CCDC144A: variants seen among roughly 807,000 people sequenced by gnomAD.
CCDC144A encodes coiled-coil domain containing 144A.
A neutral mutation model predicts 143.8 loss-of-function variants in CCDC144A; 41 were observed. The ratio of observed to expected loss-of-function variants is 0.29; its 90% CI spans 0.22 to 0.37. The LOEUF (loss-of-function observed/expected upper bound fraction) is 0.37. Ranked by LOEUF, CCDC144A falls within the 10% of genes least tolerant of loss-of-function variation. The pLI, the probability that CCDC144A is intolerant of heterozygous loss-of-function variation, is 1.00. For missense variants in CCDC144A, 637 were observed against 1,488.8 expected, an observed-to-expected ratio of 0.43 and a Z score of 9.41; for synonymous variants, 242 against 517.9, an observed-to-expected ratio of 0.47 and a Z score of 7.23.
At chr17:16,686,925 G>A (rs1459200787), upstream of CCDC144A, among the ~76,000 whole-genome samples, 5 of 152,082 alleles carry the variant, frequency 3.3e-5, no homozygotes, top group South Asian at 2.1e-4. Context: ...ATCCGCTGGC[G>A]TGTGGAGGTG....
chr17:16,761,105 A>ATCATGAGG lies in CCDC144A; in HGVS notation c.3373-316_3373-309dup, dbSNP rs1915339497. Among the ~76,000 whole-genome samples the ATCATGAGG allele has an allele frequency of 2.0e-5, 3 of 151,548 alleles. No homozygotes were observed. In the South Asian group the frequency reaches 6.3e-4, roughly 32 times the overall value. ...CACTTTGGGAGGCCGAGGCGAGTGGATCATGAGGTCAGGAGATCGAGACCA... is the reference window on the plus strand; with the variant it reads ...CACTTTGGGAGGCCGAGGCGAGTGGATCATGAGGTCATGAGGTCAGGAGATCGAGACCA... On this transcript the variant is annotated intron_variant, in intron 12 of 16. Transcript: ENST00000399273.
intron 2 of CCDC144A, among the ~76,000 whole-genome samples, chr17:16,704,344 A>G (rs1375268669): frequency 6.6e-6 from 1 of 151,972 alleles, no homozygotes; most frequent in Admixed American, 6.6e-5. Context: ...AGCCCCAGCT[A>G]CTCAGGAGGC....
At chr17:16,687,386 G>A (rs183347233), upstream of CCDC144A, among the ~76,000 whole-genome samples, 2 of 152,082 alleles carry the variant, frequency 1.3e-5, no homozygotes, top group South Asian at 2.1e-4. Flanking sequence ...ACATTCTCAG[G>A]AATTTCTCTT....
upstream of CCDC144A, among the ~76,000 whole-genome samples, chr17:16,687,693 C>A (rs1260067224): frequency 6.6e-6 from 1 of 152,142 alleles, no homozygotes; most frequent in Admixed American, 6.6e-5. Flanking sequence ...ACTGTCAAAT[C>A]CAGCAATAGT....
chr17:16,770,133 G>A (rs1372951629), intron 15 of CCDC144A, among the ~76,000 whole-genome samples: 1 of 150,468 alleles, frequency 6.6e-6, no homozygotes, highest in Non-Finnish European at 1.5e-5. Context: ...GACTGTCTGA[G>A]TTATTTTTTT....
chr17:16,731,061 A>G (rs1913718293), intron 9 of CCDC144A, among the ~76,000 whole-genome samples: 1 of 151,826 alleles, frequency 6.6e-6, no homozygotes, highest in Non-Finnish European at 1.5e-5. Flanking sequence ...TTTATTCCAT[A>G]TCTCTCATAT....
Position 16,776,358 on chromosome 17 carries a change from G to A in CCDC144A, c.*2725G>A, listed in dbSNP as rs1176099028. 1 of 152,128 alleles carries A rather than the reference G, an allele frequency of 6.6e-6. No homozygotes were observed. The highest frequency in any genetic ancestry group is 2.1e-4 in the South Asian group (1 of 4,822). 9.4% of individuals were successfully genotyped at this position (152,128 alleles called of 1,614,324 possible). A position where few individuals can be genotyped will look rare whatever the true frequency, so the allele number is the denominator to read the frequency against. On this transcript the variant is annotated 3_prime_UTR_variant, in exon 17 of 17. Coordinates refer to ENST00000399273, the MANE Select transcript of CCDC144A (RefSeq NM_001382000.1). ...TGAGCATATGTTTTTCCATTTGTTTGTGTCATCTCTGATTTCTTTGAATAA... is the reference window on the plus strand; with the variant it reads ...TGAGCATATGTTTTTCCATTTGTTTATGTCATCTCTGATTTCTTTGAATAA...
the CCDC144A span, among the ~76,000 whole-genome samples, chr17:16,667,663 A>C: frequency 6.6e-6 from 1 of 151,862 alleles, no homozygotes; most frequent in African/African-American, 2.4e-5. Flanking sequence ...TTTGCATTCT[A>C]TTGGCAAGAA....
At chr17:16,669,985 C>G in the CCDC144A span, among the ~76,000 whole-genome samples, 5 of 152,004 alleles carry the variant, frequency 3.3e-5, no homozygotes, top group African/African-American at 7.2e-5. Flanking sequence ...GTTCGAGACC[C>G]ACCTGACCAA....
At chr17:16,713,137 T>C (rs1360890954) in intron 6 of CCDC144A, among the ~76,000 whole-genome samples, 2 of 152,110 alleles carry the variant, frequency 1.3e-5, no homozygotes, top group Non-Finnish European at 2.9e-5. Flanking sequence ...GAACCAAGAA[T>C]TGGACAGCTA....
At chr17:16,766,859 G>C (rs1915619493) in intron 15 of CCDC144A, among the ~76,000 whole-genome samples, 1 of 152,014 alleles carries the variant, frequency 6.6e-6, no homozygotes, top group Non-Finnish European at 1.5e-5. Context: ...TCATTTTTTA[G>C]TATTTCTAGA....
the CCDC144A span, among the ~76,000 whole-genome samples, chr17:16,667,349 C>T: frequency 1.0e-5 from 1 of 95,920 alleles, no homozygotes; most frequent in African/African-American, 4.9e-5. Context: ...GGCTGAGGAG[C>T]TGAGGGGCTG....
At chr17:16,728,723 TC>T (rs1463294519) in intron 9 of CCDC144A, among the ~76,000 whole-genome samples, 1 of 152,122 alleles carries the variant, frequency 6.6e-6, no homozygotes, top group Non-Finnish European at 1.5e-5. Flanking sequence ...TAGTTTCTCA[TC>T]CCTCATCCTC....
At chr17:16,714,925 C>A (rs542394113) in intron 6 of CCDC144A, among the ~76,000 whole-genome samples, 1 of 152,352 alleles carries the variant, frequency 6.6e-6, no homozygotes, top group African/African-American at 2.4e-5. Context: ...ACCCCAGGCA[C>A]ACCTCTGCAC....
upstream of CCDC144A, among the ~76,000 whole-genome samples, chr17:16,686,158 C>T (rs1051233905): frequency 2.1e-5 from 3 of 145,926 alleles, no homozygotes; most frequent in South Asian, 4.3e-4. Context: ...GCCAGTGGCG[C>T]GATTTCAGCT....
chr17:16,674,977 G>A, the CCDC144A span, among the ~76,000 whole-genome samples: 1 of 151,676 alleles, frequency 6.6e-6, no homozygotes, highest in Non-Finnish European at 1.5e-5. Context: ...CCATTGAAAT[G>A]GATTTTTTAG....
rs1567589704 is a variant in CCDC144A at position 16,711,145 on chromosome 17, A to AAAAAAC, written c.1579-529_1579-528insCAAAAA. 2.3e-4 allele frequency among the ~76,000 whole-genome samples: 31 copies of AAAAAAC among 133,498 alleles called. No homozygotes were observed. The South Asian group carries it at 6.2e-3, about 27-fold the overall frequency. 87.6% of individuals were successfully genotyped at this position (133,498 alleles called of 152,430 possible). A position where few individuals can be genotyped will look rare whatever the true frequency, so the allele number is the denominator to read the frequency against. On this transcript the variant is annotated intron_variant, in intron 5 of 16. Coordinates refer to ENST00000399273, the MANE Select transcript of CCDC144A (RefSeq NM_001382000.1). ...ATCCCAGGATTCAAATGAAAAAAAA[A>AAAAAAC]AAAAAAAAAAAAACAAAAGTTAGTG...
intron 8 of CCDC144A, among the ~76,000 whole-genome samples, chr17:16,722,921 G>A (rs1484272044): frequency 6.6e-6 from 1 of 152,166 alleles, no homozygotes; most frequent in Non-Finnish European, 1.5e-5. Context: ...GGTTTCTTGA[G>A]AAACTGGTTA....
chr17:16,737,487 A>G, intron 12 of CCDC144A: 1 of 1,263,724 alleles, frequency 7.9e-7, no homozygotes, highest in South Asian at 1.3e-5. Flanking sequence ...TTACTACCAT[A>G]ATTTAATAAT....
Sources: allele counts gnomAD v4.1 joint callset (sites outside exome capture counted in the v4.1 genomes callset), GRCh38; gene constraint gnomAD v4.1.1; transcripts MANE v1.5; gene names NCBI Gene and HGNC (gene_info 2026-07-23, HGNC 2026-07-21).